Variants in HPSE2 observed in about 807,000 individuals in gnomAD.
The protein encoded by HPSE2 is heparanase 2 (inactive), also known as inactive heparanase-2.
A neutral mutation model predicts 60.5 loss-of-function variants in HPSE2; 38 were observed. The ratio of observed to expected loss-of-function variants is 0.63; its 90% CI spans 0.48 to 0.82. The LOEUF (loss-of-function observed/expected upper bound fraction) is 0.82. HPSE2 is among the 40% of genes least tolerant of loss of function. The pLI is 0.00. For missense variants in HPSE2, 713 were observed against 740.4 expected (o/e 0.96, Z 0.43); for synonymous variants, 295 against 293.2 (o/e 1.01, Z -0.06).
At chr10:98,745,181 G>A (rs1949599765) in intron 3 of HPSE2, among the ~76,000 whole-genome samples, 1 of 152,180 alleles carries the variant, frequency 6.6e-6, no homozygotes, top group African/African-American at 2.4e-5. Context: ...CAGCCTGGGT[G>A]ACAGAGTGAG....
the HPSE2 span, among the ~76,000 whole-genome samples, chr10:99,271,384 C>T: frequency 6.6e-6 from 1 of 152,154 alleles, no homozygotes; most frequent in African/African-American, 2.4e-5. Context: ...ACCCCTTTTA[C>T]AATAGCTGTG....
At chr10:99,179,664 G>A (rs1483335668) in intron 2 of HPSE2, among the ~76,000 whole-genome samples, 1 of 151,732 alleles carries the variant, frequency 6.6e-6, no homozygotes, top group East Asian at 1.9e-4. Flanking sequence ...AATCAATATC[G>A]TGAAAATGAC....
At chr10:99,275,127 C>T in the HPSE2 span, among the ~76,000 whole-genome samples, 4,148 of 152,214 alleles carry the variant, frequency 0.027, 186 homozygotes, top group African/African-American at 0.094. Context: ...AACAGTTCCC[C>T]CCAAATCCAG....
chr10:98,976,461 C>T (rs1233758281), intron 3 of HPSE2, among the ~76,000 whole-genome samples: 2 of 152,066 alleles, frequency 1.3e-5, no homozygotes, highest in African/African-American at 4.8e-5. Flanking sequence ...GGATTTATAG[C>T]CAAGTAATCT....
chr10:99,105,720 C>A (rs1844218768), intron 3 of HPSE2, among the ~76,000 whole-genome samples: 1 of 151,928 alleles, frequency 6.6e-6, no homozygotes. Flanking sequence ...TGAGAACTTT[C>A]TCCTATCTTT....
intron 3 of HPSE2, among the ~76,000 whole-genome samples, chr10:98,774,469 G>A (rs1263979427): frequency 6.6e-6 from 1 of 152,104 alleles, no homozygotes; most frequent in Non-Finnish European, 1.5e-5. Flanking sequence ...TGACTGTATT[G>A]TTAGTGTTAT....
At chr10:99,142,960 G>A (rs947458227) in intron 3 of HPSE2, among the ~76,000 whole-genome samples, 5 of 151,486 alleles carry the variant, frequency 3.3e-5, no homozygotes, top group Admixed American at 2.0e-4. Context: ...ACACACACAC[G>A]CACGTATTTA....
chr10:98,933,646 G>A (rs940443549), intron 3 of HPSE2, among the ~76,000 whole-genome samples: 3 of 143,660 alleles, frequency 2.1e-5, no homozygotes, highest in Non-Finnish European at 3.0e-5. Context: ...CCTGTATTGG[G>A]TGCATATATA....
intron 7 of HPSE2, among the ~76,000 whole-genome samples, chr10:98,624,887 G>A (rs1364977277): frequency 6.6e-6 from 1 of 152,174 alleles, no homozygotes; most frequent in African/African-American, 2.4e-5. Context: ...TCCTTCTACG[G>A]TGATGCATGA....
intron 3 of HPSE2, among the ~76,000 whole-genome samples, chr10:98,771,816 T>C (rs1589800838): frequency 6.6e-6 from 1 of 152,136 alleles, no homozygotes; most frequent in East Asian, 1.9e-4. Flanking sequence ...CAAAAAGTAA[T>C]AGCCATGTTG....
At chr10:99,094,369 T>G (rs1843625012) in intron 3 of HPSE2, among the ~76,000 whole-genome samples, 1 of 151,176 alleles carries the variant, frequency 6.6e-6, no homozygotes, top group African/African-American at 2.4e-5. Context: ...TTTATCTTCT[T>G]TATTTCAAAG....
chr10:98,855,297 C>T (rs770551252), intron 3 of HPSE2, among the ~76,000 whole-genome samples: 1 of 152,152 alleles, frequency 6.6e-6, no homozygotes, highest in Non-Finnish European at 1.5e-5. Context: ...CTAAATCTCA[C>T]TGGGCACGCT....
chr10:98,520,456 T>A (rs1035535704), intron 9 of HPSE2, among the ~76,000 whole-genome samples: 3 of 152,064 alleles, frequency 2.0e-5, no homozygotes, highest in Admixed American at 1.3e-4. Flanking sequence ...ACATTTCACG[T>A]TTTTAAGCGT....
chr10:98,689,034 G>A (rs1483172985), intron 6 of HPSE2, among the ~76,000 whole-genome samples: 1 of 151,204 alleles, frequency 6.6e-6, no homozygotes, highest in Non-Finnish European at 1.5e-5. Context: ...CGTTATTTTT[G>A]TTCTCAGCAG....
At chr10:98,656,473 A>C (rs1236252407) in intron 6 of HPSE2, among the ~76,000 whole-genome samples, 1 of 152,126 alleles carries the variant, frequency 6.6e-6, no homozygotes, top group Non-Finnish European at 1.5e-5. Flanking sequence ...CTCTTCCTTA[A>C]TGTGGGTTGT....
intron 6 of HPSE2, among the ~76,000 whole-genome samples, chr10:98,656,910 C>T (rs902109582): frequency 6.6e-6 from 1 of 152,032 alleles, no homozygotes; most frequent in South Asian, 2.1e-4. Flanking sequence ...TATAGGCACC[C>T]GCCACCACAT....
chr10:98,611,508 ACT>A (rs1350423369), intron 9 of HPSE2, among the ~76,000 whole-genome samples: 1 of 152,030 alleles, frequency 6.6e-6, no homozygotes, highest in Non-Finnish European at 1.5e-5. Context: ...CGCTTAACAA[ACT>A]CTCTTGAAGA....
At chr10:99,225,788 T>C (rs1322212059) in intron 2 of HPSE2, among the ~76,000 whole-genome samples, 1 of 152,036 alleles carries the variant, frequency 6.6e-6, no homozygotes, top group Non-Finnish European at 1.5e-5. Context: ...TCCATTTTAC[T>C]ATGCCTAAAT....
chr10:99,306,191 G>T, the HPSE2 span, among the ~76,000 whole-genome samples: 1 of 152,116 alleles, frequency 6.6e-6, no homozygotes, highest in Admixed American at 6.5e-5. Flanking sequence ...CAGTATTTGA[G>T]GAGATATGTT....
Sources: allele counts gnomAD v4.1 joint callset (sites outside exome capture counted in the v4.1 genomes callset), GRCh38; gene constraint gnomAD v4.1.1; transcripts MANE v1.5; gene names NCBI Gene and HGNC (gene_info 2026-07-23, HGNC 2026-07-21).